Variants in BBS2 observed in about 807,000 individuals in gnomAD.
The protein encoded by BBS2 is BBSome complex member BBS2.
In BBS2, 62 loss-of-function variants were observed where a neutral mutation model predicts 83.0. The observed-to-expected ratio is 0.75, with a 90% confidence interval of 0.61 to 0.92. The LOEUF is 0.92. Ranked by LOEUF, BBS2 falls within the 40% of genes least tolerant of loss-of-function variation. BBS2 has a pLI of 0.00. For synonymous variants in BBS2, 303 were observed against 326.1 expected, an observed-to-expected ratio of 0.93 and a Z score of 0.76; for missense variants, 784 against 901.0, an observed-to-expected ratio of 0.87 and a Z score of 1.66.
At chr16:56,474,810 CTTT>C (rs746791513) in intron 17 of BBS2, 2 of 1,213,206 alleles carry the variant, frequency 1.6e-6, no homozygotes, top group Non-Finnish European at 2.3e-6. Context: ...AGTTTCTCAT[CTTT>C]TTTTTTTTCC....
At chr16:56,506,088 C>T (rs201479895) in intron 6 of BBS2, 32 bp downstream of exon 6, 97 of 1,607,576 alleles carry the variant, frequency 6.0e-5, no homozygotes, top group African/African-American at 1.7e-4. Flanking sequence ...AACTATCAAG[C>T]GCCTGAATAT....
intron 5 of BBS2, among the ~76,000 whole-genome samples, chr16:56,507,619 T>C (rs750560917): frequency 4.3e-4 from 65 of 152,186 alleles, no homozygotes; most frequent in South Asian, 8.3e-4. Context: ...TTTAAGAATG[T>C]AATGAAGGCT....
intron 12 of BBS2, 87 bp from the exon 13 acceptor site, chr16:56,498,655 C>A: frequency 1.2e-6 from 2 of 1,600,832 alleles, no homozygotes; most frequent in East Asian, 2.3e-5. Context: ...GAAGGTACAG[C>A]CATTCTTGAG....
At chr16:56,500,760 G>C (rs1964246581) in intron 11 of BBS2, 94 bp downstream of exon 11, 3 of 1,311,216 alleles carry the variant, frequency 2.3e-6, no homozygotes, top group Non-Finnish European at 3.3e-6. Context: ...GGTTTCTCAG[G>C]CCCCCAAGAA....
chr16:56,515,370 CG>C, intron 1 of BBS2, among the ~76,000 whole-genome samples: 1 of 152,114 alleles, frequency 6.6e-6, no homozygotes, highest in African/African-American at 2.4e-5. Flanking sequence ...TTAAGAGGGG[CG>C]AGATCACTCC....
chr16:56,494,521 T>C (rs1315708405), intron 15 of BBS2, among the ~76,000 whole-genome samples: 4 of 151,986 alleles, frequency 2.6e-5, no homozygotes, highest in African/African-American at 7.3e-5. Context: ...AAATGGCTGG[T>C]TCCATATGAA....
chr16:56,470,613 C>G, exon 18 of BBS2: 2 of 1,614,020 alleles, frequency 1.2e-6, no homozygotes, highest in Non-Finnish European at 1.7e-6. Flanking sequence ...ATTTCTTGGC[C>G]CCTTCGGAAG....
rs1370622984 is a variant in BBS2, at chr16:56,475,924, A to AGG, written c.*1-5231_*1-5230dup. The AGG allele has an allele frequency of 1.4e-5, 12 of 872,470 alleles. No individual in the cohort carries two copies. In the African/African-American group the frequency reaches 2.0e-4, roughly 15 times the overall value. The allele number at this position is 872,470 out of a possible 1,614,324, so 54.0% of individuals were successfully genotyped here. On this transcript the variant is annotated intron_variant, in intron 17 of 17. Transcript: ENST00000682047. ...CCACCCCTAGTAAGTGTTCATTCAGAGGACCCCTCTATCCCCAGATTAAGT... is the reference window on the plus strand; with the variant it reads ...CCACCCCTAGTAAGTGTTCATTCAGAGGGGACCCCTCTATCCCCAGATTAAGT...
At chr16:56,470,831 C>T (rs542740991) in intron 17 of BBS2, 2 of 1,489,484 alleles carry the variant, frequency 1.3e-6, no homozygotes, top group Non-Finnish European at 1.8e-6. Context: ...TACCATTAAC[C>T]ATTCACCATT....
downstream of BBS2, among the ~76,000 whole-genome samples, chr16:56,479,806 C>A (rs1294668215): frequency 6.6e-6 from 1 of 152,258 alleles, no homozygotes; most frequent in South Asian, 2.1e-4. Context: ...GATGGATCTT[C>A]CTTCAGCTCC....
chr16:56,474,822 C>A (rs1309416827), intron 17 of BBS2: 2 of 1,559,082 alleles, frequency 1.3e-6, no homozygotes, highest in African/African-American at 1.4e-5. Context: ...TTTTTTTTTT[C>A]CTTAGAATCA....
chr16:56,494,350 T>A (rs1011353250), intron 15 of BBS2, among the ~76,000 whole-genome samples: 5 of 151,806 alleles, frequency 3.3e-5, no homozygotes, highest in Admixed American at 3.3e-4. Context: ...GAATGGTAAA[T>A]AGTATGAACT....
chr16:56,480,366 C>CAAAAAAAAAAAAAA (rs1157907841), downstream of BBS2, among the ~76,000 whole-genome samples: 5 of 90,258 alleles, frequency 5.5e-5, no homozygotes, highest in Admixed American at 1.2e-4. Context: ...AAAAAAAAAA[C>CAAAAAAAAAAAAAA]AAAAAAAAAA....
chr16:56,475,438 T>G, intron 17 of BBS2: 1 of 1,390,468 alleles, frequency 7.2e-7, no homozygotes, highest in Non-Finnish European at 1.0e-6. Context: ...ATGGGATCAG[T>G]GATTTAAGTA....
At position 56,519,970 on chromosome 16, in the gene BBS2, G is replaced by A; in HGVS notation, c.-108C>T. 2.1e-6 allele frequency: 2 copies of A among 943,304 alleles called. No homozygotes were observed. The highest frequency in any genetic ancestry group is 2.8e-5 in the South Asian group (2 of 72,308). The allele number at this position is 943,304 out of a possible 1,614,324, so 58.4% of individuals were successfully genotyped here. ...CAGGGACACTACCTGCGCGGCCCCAGCCGCCTCAGGCCGGACGCGAAACAG... is the reference window on the plus strand; with the variant it reads ...CAGGGACACTACCTGCGCGGCCCCAACCGCCTCAGGCCGGACGCGAAACAG... On this transcript the variant is annotated 5_prime_UTR_variant, in exon 1 of 17. Transcript: ENST00000245157.
At chr16:56,475,381 T>A in intron 17 of BBS2, 1 of 856,422 alleles carries the variant, frequency 1.2e-6, no homozygotes. Flanking sequence ...TCATAAGTCA[T>A]AGAACCAGTT....
In BBS2 at chr16:56,488,195, T is replaced by C. The variant is rs541302326; in HGVS notation, c.1911-2457A>G. Among the ~76,000 whole-genome samples, 167 of 152,278 alleles carry C rather than the reference T, an allele frequency of 1.1e-3. 1 individual carries two copies. Among genetic ancestry groups the C allele is most frequent in the African/African-American group, 3.4e-3 (142 of 41,558 alleles). Reference sequence around the variant, plus strand: ...CTGTCCTCAACTGTGTGGAGGTTTTTCCCACACACCAAGAAAACAATCAGT... The same window carrying C: ...CTGTCCTCAACTGTGTGGAGGTTTTCCCCACACACCAAGAAAACAATCAGT... On this transcript the variant is annotated intron_variant, in intron 15 of 16. Transcript: ENST00000245157.
At chr16:56,480,510 G>A (rs551843478), downstream of BBS2, among the ~76,000 whole-genome samples, 2 of 152,012 alleles carry the variant, frequency 1.3e-5, no homozygotes, top group East Asian at 3.9e-4. Context: ...CTGCCTCCCA[G>A]GTTCAAGCAA....
intron 12 of BBS2, 114 bp downstream of exon 12, chr16:56,499,664 A>C (rs1964204789): frequency 6.9e-7 from 1 of 1,441,716 alleles, no homozygotes; most frequent in African/African-American, 1.4e-5. Context: ...ATTCTTTCAT[A>C]TCATATTTAC....
Sources: allele counts gnomAD v4.1 joint callset (sites outside exome capture counted in the v4.1 genomes callset), GRCh38; gene constraint gnomAD v4.1.1; transcripts MANE v1.5; gene names NCBI Gene and HGNC (gene_info 2026-07-23, HGNC 2026-07-21).